PLSCR2: variants seen among roughly 807,000 people sequenced by gnomAD.
The protein encoded by PLSCR2 is PL scramblase 2.
Under a neutral mutation model 25.3 loss-of-function variants are expected in PLSCR2, and 18 were observed. The ratio of observed to expected loss-of-function variants is 0.71; its 90% CI spans 0.49 to 1.06. The LOEUF (loss-of-function observed/expected upper bound fraction) is 1.06, where lower values mean the gene tolerates loss of function less well. Among genes scored for constraint, PLSCR2 ranks in the 50% least tolerant of loss-of-function variants. The pLI is 0.00. For synonymous variants in PLSCR2, 88 were observed against 87.3 expected, an observed-to-expected ratio of 1.01 and a Z score of -0.04; for missense variants, 243 against 269.5, an observed-to-expected ratio of 0.90 and a Z score of 0.69.
At chr3:146,422,577 G>A (rs965338692) in intron 2 of PLSCR2, among the ~76,000 whole-genome samples, 13 of 151,890 alleles carry the variant, frequency 8.6e-5, no homozygotes, top group South Asian at 2.1e-4. Flanking sequence ...GGTTATACAT[G>A]GTTCCACTTA....
intron 2 of PLSCR2, among the ~76,000 whole-genome samples, chr3:146,423,534 A>G (rs907167377): frequency 7.1e-6 from 1 of 141,568 alleles, no homozygotes; most frequent in Non-Finnish European, 1.5e-5. Context: ...TTCAAGCTTC[A>G]CCCTTAAAAC....
At chr3:146,490,418 G>C (rs73865744) in intron 1 of PLSCR2, among the ~76,000 whole-genome samples, 1 of 151,932 alleles carries the variant, frequency 6.6e-6, no homozygotes, top group African/African-American at 2.4e-5. Flanking sequence ...AGCATGCCTC[G>C]TAGATCTGTT....
chr3:146,472,586 A>T (rs1560043518), intron 1 of PLSCR2, among the ~76,000 whole-genome samples: 6 of 152,130 alleles, frequency 3.9e-5, no homozygotes. Context: ...GGGACGAGGG[A>T]TCTCTCTAAG....
At chr3:146,457,570 A>G (rs1172979249) in intron 3 of PLSCR2, among the ~76,000 whole-genome samples, 1 of 152,198 alleles carries the variant, frequency 6.6e-6, no homozygotes, top group African/African-American at 2.4e-5. Context: ...TGGAACAAAG[A>G]TTCTACTGGG....
intron 1 of PLSCR2, among the ~76,000 whole-genome samples, chr3:146,465,572 CAAA>C (rs11459539): frequency 2.4e-5 from 3 of 125,538 alleles, no homozygotes. Flanking sequence ...TCACCCTCCA[CAAA>C]AAAAAAAAAA....
intron 2 of PLSCR2, among the ~76,000 whole-genome samples, chr3:146,423,759 G>A (rs2039240982): frequency 6.6e-6 from 1 of 152,048 alleles, no homozygotes; most frequent in South Asian, 2.1e-4. Flanking sequence ...GAATGGAGAT[G>A]TTACAGTGGA....
intron 1 of PLSCR2, chr3:146,495,153 T>G (rs2043702255): frequency 1.3e-5 from 2 of 152,256 alleles, no homozygotes; most frequent in South Asian, 4.1e-4. Context: ...TACATGGTGA[T>G]TTTCAAGTTA....
At chr3:146,426,229 C>T (rs1223315747) in intron 2 of PLSCR2, among the ~76,000 whole-genome samples, 1 of 141,694 alleles carries the variant, frequency 7.1e-6, no homozygotes, top group African/African-American at 2.6e-5. Context: ...TTCCCTCCCT[C>T]CTTCCCTCCC....
chr3:146,459,355 T>C (rs2041417795), intron 2 of PLSCR2, among the ~76,000 whole-genome samples: 1 of 152,202 alleles, frequency 6.6e-6, no homozygotes, highest in Non-Finnish European at 1.5e-5. Context: ...AATTATTCAG[T>C]ATTGGAATTA....
At chr3:146,400,607 AAT>A (rs35086020) in intron 2 of PLSCR2, among the ~76,000 whole-genome samples, 78,681 of 150,230 alleles carry the variant, frequency 0.52, 20,867 homozygotes, top group South Asian at 0.71. Flanking sequence ...AGAATTTTTT[AAT>A]ATGATAGGTT....
chr3:146,470,188 T>A lies in PLSCR2; in HGVS notation c.-292-9904A>T, dbSNP rs1352692189. 5.9e-5 allele frequency among the ~76,000 whole-genome samples: 9 copies of A among 152,166 alleles called. No homozygotes were observed. In the East Asian group the frequency reaches 1.7e-3, roughly 29 times the overall value. On this transcript the variant is annotated intron_variant, in intron 1 of 8. Transcript: ENST00000336685. Reference sequence around the variant, plus strand: ...AATTTTTCAGGACGCGCCTTTGATTTTTCAGGGTGTGCCTGCAACTGGCAC... The same window carrying A: ...AATTTTTCAGGACGCGCCTTTGATTATTCAGGGTGTGCCTGCAACTGGCAC...
intron 1 of PLSCR2, among the ~76,000 whole-genome samples, chr3:146,472,579 A>G (rs2042155043): frequency 6.6e-6 from 1 of 152,158 alleles, no homozygotes; most frequent in African/African-American, 2.4e-5. Flanking sequence ...AGTGGAAGGG[A>G]CGAGGGATCT....
chr3:146,417,705 T>C (rs1298878113), intron 2 of PLSCR2, among the ~76,000 whole-genome samples: 2 of 152,206 alleles, frequency 1.3e-5, no homozygotes, highest in African/African-American at 2.4e-5. Flanking sequence ...CAACATGTAT[T>C]GTATATTTCA....
chr3:146,460,298 C>G lies in PLSCR2; in HGVS notation c.-306G>C, dbSNP rs115476748. On this transcript the variant is annotated 5_prime_UTR_variant, in exon 1 of 7. Coordinates refer to ENST00000610787, the Ensembl canonical transcript of PLSCR2. ...GAGGGTGGTTCACTGTGAATAGAGT[C>G]GGCCTAGAGCTTTACTTTTACTATG... 11 of 1,047,686 alleles carry G rather than the reference C, an allele frequency of 1.0e-5. No individual in the cohort carries two copies. In the African/African-American group the frequency reaches 1.8e-4, roughly 17 times the overall value. 64.9% of individuals were successfully genotyped at this position (1,047,686 alleles called of 1,614,324 possible). A position where few individuals can be genotyped will look rare whatever the true frequency, so the allele number is the denominator to read the frequency against.
intron 2 of PLSCR2, among the ~76,000 whole-genome samples, chr3:146,425,332 G>A (rs2039304795): frequency 6.6e-6 from 1 of 152,074 alleles, no homozygotes; most frequent in Non-Finnish European, 1.5e-5. Context: ...TGGCACTTCT[G>A]GAAGAAGATG....
chr3:146,471,214 T>C (rs2042107991), intron 1 of PLSCR2, among the ~76,000 whole-genome samples: 1 of 152,188 alleles, frequency 6.6e-6, no homozygotes, highest in Non-Finnish European at 1.5e-5. Flanking sequence ...TGTGCTGTAG[T>C]CATCATCTTT....
At chr3:146,462,817 A>G (rs970767039), upstream of PLSCR2, among the ~76,000 whole-genome samples, 15 of 152,260 alleles carry the variant, frequency 9.9e-5, no homozygotes, top group East Asian at 2.7e-3. Context: ...TCAGGAGGAA[A>G]GCCATGAAGA....
At chr3:146,458,817 C>T (rs976128725) in intron 2 of PLSCR2, among the ~76,000 whole-genome samples, 16 of 151,924 alleles carry the variant, frequency 1.1e-4, no homozygotes, top group Non-Finnish European at 2.2e-4. Context: ...CATTTTACAT[C>T]TACTTCATAT....
chr3:146,480,626 T>C (rs1001493090), intron 1 of PLSCR2, among the ~76,000 whole-genome samples: 1 of 146,228 alleles, frequency 6.8e-6, no homozygotes, highest in South Asian at 2.3e-4. Flanking sequence ...CAGGACCAGA[T>C]GGATTCACAG....
Sources: gnomAD v4.1 joint callset for allele counts (sites outside exome capture counted in the v4.1 genomes callset) on GRCh38, gnomAD v4.1.1 for gene constraint, MANE v1.5 for transcripts, NCBI Gene and HGNC (gene_info 2026-07-23, HGNC 2026-07-21) for gene names.